The following C12orf54 variants were observed in gnomAD, a reference collection of about 807,000 sequenced individuals.
The protein encoded by C12orf54 is chromosome 12 open reading frame 54.
In C12orf54, 24 loss-of-function variants were observed where a neutral mutation model predicts 26.4. The ratio of observed to expected loss-of-function variants is 0.91; its 90% CI spans 0.66 to 1.28. The LOEUF (loss-of-function observed/expected upper bound fraction) is 1.28. Ranked by LOEUF, C12orf54 falls within the 50% of genes most tolerant of loss-of-function variation. The probability of loss-of-function intolerance (pLI) is 0.00; values close to 1 mark genes in which losing one functional copy is unlikely to be tolerated. For missense variants in C12orf54, 154 were observed against 150.9 expected (o/e 1.02, Z -0.11); for synonymous variants, 54 against 47.0 (o/e 1.15, Z -0.61).
At chr12:48,489,273 A>C (rs1937731519) in intron 5 of C12orf54, 1 of 522,400 alleles carries the variant, frequency 1.9e-6, no homozygotes, top group Non-Finnish European at 3.7e-6. Flanking sequence ...TCCCCTAGTG[A>C]TGTAGTAAAC....
upstream of C12orf54, among the ~76,000 whole-genome samples, chr12:48,481,816 A>G (rs1954202396): frequency 6.6e-6 from 1 of 152,114 alleles, no homozygotes; most frequent in Admixed American, 6.5e-5. Context: ...CCACTTCACC[A>G]CGACCTCCCC....
chr12:48,453,985 G>A, the C12orf54 span, among the ~76,000 whole-genome samples: 32 of 151,936 alleles, frequency 2.1e-4, no homozygotes, highest in Non-Finnish European at 3.4e-4. Context: ...TGGAGCATCA[G>A]GATACCATGA....
chr12:48,425,640 A>G, the C12orf54 span, among the ~76,000 whole-genome samples: 1 of 152,106 alleles, frequency 6.6e-6, no homozygotes, highest in Non-Finnish European at 1.5e-5. Context: ...TAGCTATTTG[A>G]GGAATCACCA....
At chr12:48,482,360 C>T (rs2137083191), upstream of C12orf54, 1 of 152,290 alleles carries the variant, frequency 6.6e-6, no homozygotes, top group East Asian at 1.9e-4. Context: ...AACATTATCC[C>T]TCCATTTTAC....
the C12orf54 span, among the ~76,000 whole-genome samples, chr12:48,414,478 G>C: frequency 3.9e-5 from 6 of 152,206 alleles, no homozygotes; most frequent in Admixed American, 1.3e-4. Flanking sequence ...GTATGCATGG[G>C]CTCTGGTTTC....
At chr12:48,427,686 TA>T in the C12orf54 span, among the ~76,000 whole-genome samples, 1 of 152,004 alleles carries the variant, frequency 6.6e-6, no homozygotes, top group Non-Finnish European at 1.5e-5. Flanking sequence ...TAATTACTAC[TA>T]GAACTAAGAA....
At chr12:48,418,394 T>A in the C12orf54 span, among the ~76,000 whole-genome samples, 1 of 152,208 alleles carries the variant, frequency 6.6e-6, no homozygotes, top group Non-Finnish European at 1.5e-5. Flanking sequence ...TTATTATTAA[T>A]TTGAGTCCAG....
the C12orf54 span, among the ~76,000 whole-genome samples, chr12:48,436,528 A>G: frequency 1.3e-5 from 2 of 152,312 alleles, no homozygotes; most frequent in South Asian, 4.1e-4. Flanking sequence ...TCCTCAGCAA[A>G]TGTAAAAGAA....
At chr12:48,492,905 A>T (rs1298466005) in intron 6 of C12orf54, 42 bp from the exon 7 acceptor site, 13 of 1,576,222 alleles carry the variant, frequency 8.2e-6, no homozygotes, top group Non-Finnish European at 1.1e-5. Context: ...AGACATGTCC[A>T]GGCCCCTGTA....
At chr12:48,433,359 A>G in the C12orf54 span, among the ~76,000 whole-genome samples, 1 of 151,450 alleles carries the variant, frequency 6.6e-6, no homozygotes, top group African/African-American at 2.4e-5. Flanking sequence ...TAGCAGTGGG[A>G]TCCCTCTGGT....
chr12:48,416,680 G>T, the C12orf54 span, among the ~76,000 whole-genome samples: 29 of 152,166 alleles, frequency 1.9e-4, no homozygotes, highest in African/African-American at 6.5e-4. Context: ...TGGCCAACAT[G>T]GTGAAACCCC....
chr12:48,435,893 A>T, the C12orf54 span, among the ~76,000 whole-genome samples: 2 of 152,190 alleles, frequency 1.3e-5, no homozygotes, highest in Non-Finnish European at 1.5e-5. Flanking sequence ...GACAGGATCA[A>T]ATTCACAAAT....
At chr12:48,491,921 T>C (rs1048353536) in intron 6 of C12orf54, among the ~76,000 whole-genome samples, 1 of 152,172 alleles carries the variant, frequency 6.6e-6, no homozygotes, top group Non-Finnish European at 1.5e-5. Flanking sequence ...TGAGGTTCTA[T>C]ACCTCTAAGA....
the C12orf54 span, among the ~76,000 whole-genome samples, chr12:48,465,940 GAAT>G: frequency 6.6e-6 from 1 of 152,002 alleles, no homozygotes; most frequent in Non-Finnish European, 1.5e-5. Flanking sequence ...AATTCAAAAT[GAAT>G]AATAGAACTA....
intron 4 of C12orf54, 106 bp from the exon 5 acceptor site, chr12:48,488,818 G>A: frequency 1.1e-6 from 1 of 918,572 alleles, no homozygotes; most frequent in Non-Finnish European, 1.8e-6. Context: ...ACATTCTACA[G>A]CCTAGTGGCT....
In C12orf54 at chr12:48,483,344, C is replaced by A; in HGVS notation, c.48C>A (p.Thr16=). The A allele has an allele frequency of 6.2e-7, 1 of 1,613,860 alleles. No individual in the cohort carries two copies. The highest frequency in any genetic ancestry group is 1.1e-5 in the South Asian group (1 of 91,068). The change falls in exon 2 of 9, where the codon ACC becomes ACA. Residue 16 remains threonine (T), a synonymous_variant. Transcript: ENST00000548364. The part of the protein sequence containing the change: ...CQDQEQKVEM[T]SKQQRSTSIE... ...ATCAGGAACAAAAGGTAGAAATGAC[C>A]TCCAAGCAGCAGAGAAGGTAATGGG...
At chr12:48,449,327 C>A in the C12orf54 span, among the ~76,000 whole-genome samples, 1 of 152,168 alleles carries the variant, frequency 6.6e-6, no homozygotes, top group African/African-American at 2.4e-5. Flanking sequence ...AGGATGGCTT[C>A]ATGGGGCCAT....
chr12:48,436,656 T>C, the C12orf54 span, among the ~76,000 whole-genome samples: 7 of 152,044 alleles, frequency 4.6e-5, no homozygotes, highest in Non-Finnish European at 7.4e-5. Context: ...TGAATGACTA[T>C]GGGGTACATA....
chr12:48,468,297 T>C, the C12orf54 span, among the ~76,000 whole-genome samples: 2 of 151,972 alleles, frequency 1.3e-5, no homozygotes, highest in Non-Finnish European at 2.9e-5. Flanking sequence ...GAGACAGAAG[T>C]GCACATCTGG....
Sources: allele counts gnomAD v4.1 joint callset (sites outside exome capture counted in the v4.1 genomes callset), GRCh38; gene constraint gnomAD v4.1.1; transcripts MANE v1.5; gene names NCBI Gene and HGNC (gene_info 2026-07-23, HGNC 2026-07-21).